The following DACH1 variants were observed in gnomAD, a reference collection of about 807,000 sequenced individuals.
DACH1 encodes the protein dachshund homolog 1.
A neutral mutation model predicts 54.2 loss-of-function variants in DACH1; 12 were observed. The observed-to-expected ratio is 0.22, with a 90% CI of 0.14 to 0.36. DACH1 has a LOEUF of 0.36. DACH1 is among the 10% of genes least tolerant of loss of function. DACH1 has a pLI of 1.00. For missense variants in DACH1, 805 were observed against 929.8 expected (o/e 0.87, Z 1.75); for synonymous variants, 386 against 366.2 (o/e 1.05, Z -0.62).
intron 5 of DACH1, among the ~76,000 whole-genome samples, chr13:71,559,411 A>G (rs1884449550): frequency 6.6e-6 from 1 of 152,168 alleles, no homozygotes. Context: ...TATCTCCATT[A>G]ACACAAGGAT....
At chr13:71,681,742 A>G (rs1371163176) in intron 2 of DACH1, 53 bp downstream of exon 2, 2 of 1,322,274 alleles carry the variant, frequency 1.5e-6, no homozygotes, top group Non-Finnish European at 2.2e-6. Context: ...TATAAAAGCT[A>G]CGACATTGGC....
intron 6 of DACH1, among the ~76,000 whole-genome samples, chr13:71,507,809 C>T (rs1411029028): frequency 6.6e-6 from 1 of 152,174 alleles, no homozygotes; most frequent in Non-Finnish European, 1.5e-5. Context: ...TTTATTATCT[C>T]AACCTATTAT....
At chr13:71,693,444 A>C (rs1408053194) in intron 1 of DACH1, among the ~76,000 whole-genome samples, 1 of 143,616 alleles carries the variant, frequency 7.0e-6, no homozygotes, top group African/African-American at 2.6e-5. Flanking sequence ...CTGGGACTAT[A>C]GGTGCTCACC....
chr13:71,456,653 T>A (rs2138129209), intron 10 of DACH1, among the ~76,000 whole-genome samples: 1 of 152,218 alleles, frequency 6.6e-6, no homozygotes, highest in African/African-American at 2.4e-5. Flanking sequence ...ATGCTGATTT[T>A]ATCTTAAAAT....
chr13:71,656,052 T>A (rs966541313), intron 2 of DACH1, among the ~76,000 whole-genome samples: 2 of 152,244 alleles, frequency 1.3e-5, no homozygotes, highest in African/African-American at 4.8e-5. Context: ...TTAGCAAGTT[T>A]TTTAAAGTAA....
chr13:71,746,305 G>A (rs1884601831), intron 1 of DACH1, among the ~76,000 whole-genome samples: 1 of 152,120 alleles, frequency 6.6e-6, no homozygotes, highest in South Asian at 2.1e-4. Flanking sequence ...CCCATAGATA[G>A]GAATGGAAGA....
intron 3 of DACH1, among the ~76,000 whole-genome samples, chr13:71,584,307 T>C (rs986286135): frequency 2.1e-4 from 32 of 152,226 alleles, no homozygotes; most frequent in Non-Finnish European, 7.3e-5. Context: ...GTTTTCTTCT[T>C]TGATTTTGAA....
chr13:71,737,987 G>A (rs1438414755), intron 1 of DACH1, among the ~76,000 whole-genome samples: 1 of 152,144 alleles, frequency 6.6e-6, no homozygotes, highest in East Asian at 1.9e-4. Flanking sequence ...GGTGGTGGTG[G>A]AATTTATATG....
intron 3 of DACH1, among the ~76,000 whole-genome samples, chr13:71,604,406 G>A (rs565106424): frequency 1.3e-5 from 2 of 151,912 alleles, no homozygotes; most frequent in South Asian, 4.1e-4. Flanking sequence ...TCACTACTTT[G>A]ATATTCAATA....
chr13:71,531,236 T>C (rs1882394804), intron 6 of DACH1, among the ~76,000 whole-genome samples: 1 of 152,148 alleles, frequency 6.6e-6, no homozygotes. Context: ...TTGGATTTTA[T>C]GTCTTATTAA....
chr13:71,817,397 C>A (rs1888001134), intron 1 of DACH1, among the ~76,000 whole-genome samples: 1 of 152,172 alleles, frequency 6.6e-6, no homozygotes, highest in Non-Finnish European at 1.5e-5. Flanking sequence ...TGTCAAGATA[C>A]AATGTGATCC....
At chr13:71,758,717 T>C (rs996923048) in intron 1 of DACH1, among the ~76,000 whole-genome samples, 10 of 152,178 alleles carry the variant, frequency 6.6e-5, no homozygotes, top group African/African-American at 2.4e-4. Context: ...CGAAGGAAGT[T>C]AACAACAAAT....
In DACH1 at chr13:71,505,097, C is replaced by A. The variant is rs568631665; in HGVS notation, c.1571-15949G>T. 3.3e-5 allele frequency among the ~76,000 whole-genome samples: 5 copies of A among 152,136 alleles called. No homozygotes were observed. The South Asian group carries it at 1.0e-3, about 32-fold the overall frequency. ...TCCTTCCTTCCTTCCTTCCTTCTTT[C>A]TTTCTTTCTGGAGTCTTACTCTGTC... On this transcript the variant is annotated intron_variant, in intron 6 of 10. Coordinates refer to ENST00000613252, the MANE Select transcript of DACH1 (RefSeq NM_080759.6).
intron 3 of DACH1, among the ~76,000 whole-genome samples, chr13:71,599,705 T>C (rs1457137959): frequency 6.6e-6 from 1 of 152,122 alleles, no homozygotes; most frequent in African/African-American, 2.4e-5. Flanking sequence ...CTTATTAACA[T>C]GGGAAATGGT....
chr13:71,632,252 G>A (rs1846768506), intron 2 of DACH1, among the ~76,000 whole-genome samples: 1 of 152,078 alleles, frequency 6.6e-6, no homozygotes, highest in Admixed American at 6.6e-5. Flanking sequence ...TTTTTGAGCA[G>A]GGGAGTGGTT....
intron 7 of DACH1, among the ~76,000 whole-genome samples, chr13:71,483,441 AAATT>A (rs1246778489): frequency 1.4e-5 from 2 of 147,070 alleles, no homozygotes; most frequent in African/African-American, 4.9e-5. Flanking sequence ...ATTTATATAA[AAATT>A]AATATAATAA....
chr13:71,482,793 GTTT>G (rs10716729), intron 7 of DACH1, among the ~76,000 whole-genome samples: 37 of 67,502 alleles, frequency 5.5e-4, no homozygotes, highest in African/African-American at 1.4e-3. Flanking sequence ...TCAACTGACA[GTTT>G]TTTTTTTTTT....
chr13:71,656,718 T>C (rs1189711546), intron 2 of DACH1, among the ~76,000 whole-genome samples: 1 of 151,136 alleles, frequency 6.6e-6, no homozygotes, highest in African/African-American at 2.4e-5. Context: ...CACTGTTATA[T>C]CTCCAAACAT....
At chr13:71,651,944 C>A (rs773627850) in intron 2 of DACH1, among the ~76,000 whole-genome samples, 6 of 152,000 alleles carry the variant, frequency 3.9e-5, no homozygotes, top group Non-Finnish European at 8.8e-5. Flanking sequence ...TACTTTATTC[C>A]AGCTCCTAGA....
Sources: gnomAD v4.1 joint callset for allele counts (sites outside exome capture counted in the v4.1 genomes callset) on GRCh38, gnomAD v4.1.1 for gene constraint, MANE v1.5 for transcripts, NCBI Gene and HGNC (gene_info 2026-07-23, HGNC 2026-07-21) for gene names.